Variants in PTK2 observed in about 807,000 individuals in gnomAD.
PTK2 encodes the protein protein tyrosine kinase 2, also known as focal adhesion kinase 1.
A neutral mutation model predicts 150.1 loss-of-function variants in PTK2; 45 were observed. The observed-to-expected ratio is 0.30, with a 90% CI of 0.24 to 0.38. The LOEUF (loss-of-function observed/expected upper bound fraction) is 0.38. Ranked by LOEUF, PTK2 falls within the 10% of genes least tolerant of loss-of-function variation. The probability of loss-of-function intolerance (pLI) is 1.00; values close to 1 mark genes in which losing one functional copy is unlikely to be tolerated. For synonymous variants in PTK2, 432 were observed against 449.2 expected (o/e 0.96, Z 0.48); for missense variants, 919 against 1,307.3 (o/e 0.70, Z 4.58).
At chr8:140,688,099 G>C (rs971497661) in intron 26 of PTK2, among the ~76,000 whole-genome samples, 2 of 152,132 alleles carry the variant, frequency 1.3e-5, no homozygotes, top group South Asian at 2.1e-4. Context: ...GGCAGATTTT[G>C]GATCACTTAT....
intron 2 of PTK2, among the ~76,000 whole-genome samples, chr8:140,925,300 G>A (rs1308403342): frequency 2.0e-5 from 3 of 152,158 alleles, no homozygotes; most frequent in South Asian, 2.1e-4. Flanking sequence ...GCATTAATCA[G>A]GGAGTTACAG....
At position 140,693,564 on chromosome 8, in the gene PTK2, TAAAAAAA is replaced by T. The variant is rs377205785; in HGVS notation, c.2500-6877_2500-6871del. 9.7e-5 allele frequency among the ~76,000 whole-genome samples: 7 copies of T among 72,458 alleles called. No homozygotes were observed. In the East Asian group the frequency reaches 1.4e-3, roughly 14 times the overall value. The allele number at this position is 72,458 out of a possible 152,430, so 47.5% of individuals were successfully genotyped here. A position where few individuals can be genotyped will look rare whatever the true frequency, so the allele number is the denominator to read the frequency against. On this transcript the variant is annotated intron_variant, in intron 26 of 31. Transcript: ENST00000522684. ...CCACAGAGTGAGACTTTGTCTCAAT[TAAAAAAA>T]AAAAAAAAAAAAAAAAAAAAAAAAA...
At chr8:140,820,075 G>A (rs2100107236) in intron 8 of PTK2, among the ~76,000 whole-genome samples, 1 of 49,102 alleles carries the variant, frequency 2.0e-5, no homozygotes, top group Admixed American at 2.7e-4. Flanking sequence ...ATCTGACTTT[G>A]GTTTTTTTTT....
intron 1 of PTK2, among the ~76,000 whole-genome samples, chr8:140,974,564 G>T (rs2100188575): frequency 6.6e-6 from 1 of 152,170 alleles, no homozygotes; most frequent in African/African-American, 2.4e-5. Flanking sequence ...GAAAACAGTT[G>T]CATGTGTTTG....
At position 140,679,003 on chromosome 8, in the gene PTK2, G is replaced by GTTTTTTTTTTTTTTTT. The variant is rs533089786; in HGVS notation, c.2563-3520_2563-3505dup. Among the ~76,000 whole-genome samples, 11 of 69,008 alleles carry GTTTTTTTTTTTTTTTT rather than the reference G, an allele frequency of 1.6e-4. 2 individuals carry two copies. The highest frequency in any genetic ancestry group is 2.8e-4 in the Non-Finnish European group (11 of 39,314). 45.3% of individuals were successfully genotyped at this position (69,008 alleles called of 152,430 possible). A position where few individuals can be genotyped will look rare whatever the true frequency, so the allele number is the denominator to read the frequency against. On this transcript the variant is annotated intron_variant, in intron 27 of 31. Coordinates refer to ENST00000522684, the Ensembl canonical transcript of PTK2. ...TCACGGCCAGCTGAGTGCTCCCCAT[G>GTTTTTTTTTTTTTTTT]TTTTTTTTTTTTTTTTTTTTTTTTT... is the stretch of plus-strand genomic sequence containing the variant.
intron 31 of PTK2, among the ~76,000 whole-genome samples, chr8:140,661,825 G>A (rs1370914203): frequency 1.3e-5 from 2 of 152,194 alleles, no homozygotes; most frequent in Non-Finnish European, 2.9e-5. Context: ...ACAGCAGAGA[G>A]AGTTCCAAAC....
At chr8:140,890,459 T>G (rs544458100) in intron 3 of PTK2, 84 bp downstream of exon 3, 2 of 1,171,562 alleles carry the variant, frequency 1.7e-6, no homozygotes, top group Non-Finnish European at 2.4e-6. Flanking sequence ...TAAATAAAAA[T>G]TATTACACTA....
rs529381809 is a variant in PTK2 at position 140,681,718 on chromosome 8, C to A, written c.2562+4914G>T. 1.3e-4 allele frequency among the ~76,000 whole-genome samples: 20 copies of A among 150,228 alleles called. No homozygotes were observed. In the South Asian group the frequency reaches 2.3e-3, roughly 17 times the overall value. The stretch of plus-strand genomic sequence containing the variant: ...TGTGAACCCGGGAGGTGGAGCTTGC[C>A]GTGAGCCGAGATCGCGCCACTGCAC... On this transcript the variant is annotated intron_variant, in intron 27 of 31. Transcript: ENST00000522684.
chr8:140,787,519 G>A (rs1256231487), intron 14 of PTK2, among the ~76,000 whole-genome samples: 1 of 152,196 alleles, frequency 6.6e-6, no homozygotes, highest in Non-Finnish European at 1.5e-5. Flanking sequence ...GGGTTGGCTG[G>A]AAGAAGTAAA....
chr8:140,806,633 T>C (rs905898904), intron 10 of PTK2, among the ~76,000 whole-genome samples: 18 of 152,194 alleles, frequency 1.2e-4, no homozygotes, highest in Non-Finnish European at 1.9e-4. Context: ...ACATAACTTT[T>C]CCCTATCACT....
chr8:140,946,031 G>A (rs779488837), intron 1 of PTK2, among the ~76,000 whole-genome samples: 2 of 152,074 alleles, frequency 1.3e-5, no homozygotes, highest in African/African-American at 2.4e-5. Flanking sequence ...ACCATTTACA[G>A]CAGGTCTAGA....
intron 24 of PTK2, among the ~76,000 whole-genome samples, chr8:140,702,997 A>G (rs1209722066): frequency 1.3e-5 from 2 of 152,188 alleles, no homozygotes; most frequent in East Asian, 1.9e-4. Flanking sequence ...AGAGGGAAGC[A>G]TAAGAGGAGG....
intron 4 of PTK2, among the ~76,000 whole-genome samples, chr8:140,877,464 G>T (rs1217177885): frequency 6.6e-6 from 1 of 152,126 alleles, no homozygotes; most frequent in Non-Finnish European, 1.5e-5. Flanking sequence ...TCGAATCAAA[G>T]CTGTGTCACA....
chr8:140,662,288 C>A (rs546482636), intron 31 of PTK2, among the ~76,000 whole-genome samples: 3 of 151,082 alleles, frequency 2.0e-5, no homozygotes, highest in Admixed American at 1.3e-4. Context: ...CAGAGACAGA[C>A]CCTGTCTCAA....
At chr8:140,895,542 T>C (rs2100155836) in intron 2 of PTK2, among the ~76,000 whole-genome samples, 1 of 151,582 alleles carries the variant, frequency 6.6e-6, no homozygotes, top group South Asian at 2.1e-4. Flanking sequence ...AAAAAAAAAT[T>C]ACGTATTTAA....
intron 14 of PTK2, 158 bp from the exon 17 acceptor site, chr8:140,764,448 T>C (rs760400160): frequency 6.6e-5 from 40 of 609,170 alleles, no homozygotes; most frequent in Non-Finnish European, 1.1e-4. Flanking sequence ...CATGAGTCAT[T>C]TATGGAAATA....
At chr8:140,942,249 TTAAC>T (rs1211974502) in intron 1 of PTK2, among the ~76,000 whole-genome samples, 2 of 152,226 alleles carry the variant, frequency 1.3e-5, no homozygotes, top group African/African-American at 2.4e-5. Flanking sequence ...TCATTAACTA[TTAAC>T]TAAAAGATGG....
chr8:140,673,897 G>A (rs1005986982), intron 29 of PTK2, among the ~76,000 whole-genome samples: 1 of 152,120 alleles, frequency 6.6e-6, no homozygotes, highest in African/African-American at 2.4e-5. Context: ...AGTCTTCCAT[G>A]AAGCCACACT....
Position 140,830,475 on chromosome 8 carries a change from G to A in PTK2, c.645C>T (p.Val215=), listed in dbSNP as rs148611560. ...TGATAAAGGAGACTCTAATTACCTTGACAGAATCCAGTAAACTCTTAGGAA... is the reference window on the plus strand; with the variant it reads ...TGATAAAGGAGACTCTAATTACCTTAACAGAATCCAGTAAACTCTTAGGAA... The change falls in exon 8 of 32, where the codon GTC becomes GTT. Residue 215 remains valine, a synonymous_variant. Coordinates refer to ENST00000522684, the Ensembl canonical transcript of PTK2. 2.1e-3 allele frequency: 3,196 copies of A among 1,532,690 alleles called. 6 individuals carry two copies. Among genetic ancestry groups the A allele is most frequent in the Admixed American group, 2.5e-3 (134 of 52,994 alleles). The allele number at this position is 1,532,690 out of a possible 1,614,324, so 94.9% of individuals were successfully genotyped here.
Sources: allele counts gnomAD v4.1 joint callset (sites outside exome capture counted in the v4.1 genomes callset), GRCh38; gene constraint gnomAD v4.1.1; transcripts MANE v1.5; gene names NCBI Gene and HGNC (gene_info 2026-07-23, HGNC 2026-07-21).